NME8: variants seen among roughly 807,000 people sequenced by gnomAD.
NME8 encodes protein NME8.
NME8 carries 72 observed loss-of-function variants against 82.3 expected under a neutral mutation model. That is an observed-to-expected ratio of 0.87 (90% CI 0.72 to 1.06). NME8 has a LOEUF of 1.06. Among genes scored for constraint, NME8 ranks in the 50% least tolerant of loss-of-function variants. The pLI is 0.00. For missense variants in NME8, 712 were observed against 685.4 expected, an observed-to-expected ratio of 1.04 and a Z score of -0.43; for synonymous variants, 267 against 228.5, an observed-to-expected ratio of 1.17 and a Z score of -1.52.
chr7:37,857,190 A>AT (rs1172448491), intron 5 of NME8, 84 bp from the exon 6 acceptor site: 1 of 1,053,596 alleles, frequency 9.5e-7, no homozygotes, highest in Non-Finnish European at 1.4e-6. Flanking sequence ...AATTATATAT[A>AT]TCTCTGCATT....
rs185420469 is a variant in NME8 at position 37,869,888 on chromosome 7, C to T, written c.818+1990C>T. Among the ~76,000 whole-genome samples the T allele has an allele frequency of 2.0e-4, 30 of 152,214 alleles. No homozygotes were observed. The East Asian group carries it at 5.0e-3, about 25-fold the overall frequency. ...TCTCTCTGACTTGCCCCAGCACTCC[C>T]GGCCAGCAGTCTCTCTCAAAGCACA... On this transcript the variant is annotated intron_variant, in intron 11 of 17. Transcript: ENST00000199447.
chr7:37,899,317 G>T (rs749111198), intron 17 of NME8, among the ~76,000 whole-genome samples: 2 of 152,206 alleles, frequency 1.3e-5, no homozygotes, highest in Non-Finnish European at 2.9e-5. Context: ...TAAAGAAAAT[G>T]TGGTACATAT....
chr7:37,861,296 A>T (rs1465473798), intron 6 of NME8, among the ~76,000 whole-genome samples: 3 of 152,080 alleles, frequency 2.0e-5, no homozygotes, highest in Non-Finnish European at 4.4e-5. Flanking sequence ...GTCACTTGCC[A>T]TCTTCCCTTC....
At chr7:37,889,019 T>A (rs1305305789) in intron 15 of NME8, among the ~76,000 whole-genome samples, 2 of 152,008 alleles carry the variant, frequency 1.3e-5, no homozygotes, top group Non-Finnish European at 2.9e-5. Context: ...GCACTGAGAT[T>A]GGTATTTGGA....
chr7:37,881,226 CT>C (rs921439784), intron 12 of NME8, among the ~76,000 whole-genome samples: 174 of 151,968 alleles, frequency 1.1e-3, no homozygotes, highest in African/African-American at 4.1e-3. Context: ...AGTAGCTTTG[CT>C]TTTTTTTCCG....
chr7:37,870,821 C>T (rs1029998201), intron 11 of NME8, among the ~76,000 whole-genome samples: 2 of 152,094 alleles, frequency 1.3e-5, no homozygotes, highest in African/African-American at 4.8e-5. Flanking sequence ...GTTGGTTTTT[C>T]AGTAAAACTT....
chr7:37,850,769 C>T (rs1166220311), intron 5 of NME8, 34 bp downstream of exon 5: 2 of 1,358,358 alleles, frequency 1.5e-6, no homozygotes, highest in Non-Finnish European at 2.1e-6. Context: ...CCACTGTTTT[C>T]ACATTATATT....
At position 37,876,829 on chromosome 7, in the gene NME8, C is replaced by T; in HGVS notation, c.819-3C>T. ...TCTTAAATTATATTTTGGATTTTGA[C>T]AGTTTACAAGAATATCTGGAAAGAC... On this transcript the variant is annotated splice_polypyrimidine_tract_variant and splice_region_variant and intron_variant, in intron 11 of 17. Transcript: ENST00000199447. 1 of 1,605,158 alleles carries T rather than the reference C, an allele frequency of 6.2e-7. No individual in the cohort carries two copies. Among genetic ancestry groups the T allele is most frequent in the Non-Finnish European group, 8.5e-7 (1 of 1,172,942 alleles).
chr7:37,864,394 TA>T lies in NME8; in HGVS notation c.507del (p.Val170PhefsTer2). On this transcript the variant is annotated frameshift_variant, in exon 9 of 18. Transcript: ENST00000199447. LOFTEE classifies it high-confidence loss of function. ...TTATCAAACCGGATGCTGTGATTAG[TA>T]AAAAAGTTCTAGAAATTAAAAGAAA... ...AIIKPDAVIS[K>X]KVLEIKRKIT... 6.3e-7 allele frequency: 1 copy of T among 1,587,940 alleles called. No individual in the cohort carries two copies. The highest frequency in any genetic ancestry group is 8.6e-7 in the Non-Finnish European group (1 of 1,159,910).
At chr7:37,860,098 A>G (rs1467025611) in intron 6 of NME8, among the ~76,000 whole-genome samples, 1 of 152,220 alleles carries the variant, frequency 6.6e-6, no homozygotes, top group Non-Finnish European at 1.5e-5. Context: ...TTAGTTGGAA[A>G]TGGTAACTAG....
chr7:37,876,235 T>G (rs201883367), intron 11 of NME8, among the ~76,000 whole-genome samples: 2 of 83,622 alleles, frequency 2.4e-5, no homozygotes, highest in African/African-American at 6.3e-5. Flanking sequence ...TATATATAGA[T>G]AGATAGATAG....
chr7:37,889,607 A>C (rs991238112), intron 15 of NME8, among the ~76,000 whole-genome samples: 1 of 151,738 alleles, frequency 6.6e-6, no homozygotes, highest in Non-Finnish European at 1.5e-5. Flanking sequence ...TTTGGTTTGT[A>C]TTTTCCCTTG....
At chr7:37,853,217 G>A (rs35377527) in intron 5 of NME8, among the ~76,000 whole-genome samples, 8,669 of 152,086 alleles carry the variant, frequency 0.057, 544 homozygotes, top group East Asian at 0.31. Context: ...TGTGTATTTT[G>A]AATAACAGTC....
chr7:37,854,074 T>C (rs1446870845), intron 5 of NME8, among the ~76,000 whole-genome samples: 1 of 96,620 alleles, frequency 1.0e-5, no homozygotes. Flanking sequence ...AAAAAATTCA[T>C]ATATGACTTT....
rs182857004 is a variant in NME8, at chr7:37,858,260, A to T, written c.270+915A>T. On this transcript the variant is annotated intron_variant, in intron 6 of 17. Transcript: ENST00000199447. Reference sequence around the variant, plus strand: ...TCCACTGTGGATATTTATTTTTGATATTAGAAATACTCATTAAAAACACAT... The same window carrying T: ...TCCACTGTGGATATTTATTTTTGATTTTAGAAATACTCATTAAAAACACAT... Among the ~76,000 whole-genome samples the T allele has an allele frequency of 2.6e-3, 392 of 152,268 alleles. 2 individuals carry two copies. The highest frequency in any genetic ancestry group is 9.1e-3 in the African/African-American group (380 of 41,558).
At chr7:37,859,164 G>A (rs1202132720) in intron 6 of NME8, among the ~76,000 whole-genome samples, 3 of 152,024 alleles carry the variant, frequency 2.0e-5, no homozygotes, top group South Asian at 4.1e-4. Context: ...CAGACTAATC[G>A]GGCCATCACC....
chr7:37,858,955 G>T (rs1784555787), intron 6 of NME8, among the ~76,000 whole-genome samples: 1 of 152,018 alleles, frequency 6.6e-6, no homozygotes, highest in Non-Finnish European at 1.5e-5. Context: ...GCTTGGCACT[G>T]TCTCACCTTT....
chr7:37,886,456 A>G (rs939612510), intron 14 of NME8, among the ~76,000 whole-genome samples: 2 of 152,150 alleles, frequency 1.3e-5, no homozygotes, highest in African/African-American at 4.8e-5. Context: ...CCTTGGCTCC[A>G]CCCACCACTT....
intron 13 of NME8, 50 bp from the exon 14 acceptor site, chr7:37,885,095 C>A: frequency 1.8e-6 from 2 of 1,103,060 alleles, no homozygotes; most frequent in Non-Finnish European, 1.4e-6. Flanking sequence ...ACATAATTAG[C>A]TACTGAGCTA....
Sources: allele counts gnomAD v4.1 joint callset (sites outside exome capture counted in the v4.1 genomes callset), GRCh38; gene constraint gnomAD v4.1.1; transcripts MANE v1.5; gene names NCBI Gene and HGNC (gene_info 2026-07-23, HGNC 2026-07-21).